Variants in MNAT1 observed in about 807,000 individuals in gnomAD.
MNAT1 encodes MNAT1 component of CDK activating kinase, also known as CDK-activating kinase assembly factor MAT1.
Under a neutral mutation model 42.0 loss-of-function variants are expected in MNAT1, and 43 were observed. The observed-to-expected ratio is 1.02, with a 90% confidence interval of 0.80 to 1.32. The LOEUF is 1.32. Ranked by LOEUF, MNAT1 falls within the 40% of genes most tolerant of loss-of-function variation. MNAT1 has a pLI of 0.00. For synonymous variants in MNAT1, 118 were observed against 120.0 expected, an observed-to-expected ratio of 0.98 and a Z score of 0.11; for missense variants, 306 against 350.4, an observed-to-expected ratio of 0.87 and a Z score of 1.01.
intron 1 of MNAT1, among the ~76,000 whole-genome samples, chr14:60,768,228 CT>C (rs759760402): frequency 7.2e-5 from 11 of 152,150 alleles, no homozygotes; most frequent in Non-Finnish European, 1.5e-4. Flanking sequence ...TTATGGCTAA[CT>C]TCATTCCTGC....
At chr14:60,756,568 G>A (rs2030359012) in intron 1 of MNAT1, among the ~76,000 whole-genome samples, 1 of 152,148 alleles carries the variant, frequency 6.6e-6, no homozygotes. Flanking sequence ...CTGGAGGATG[G>A]AAAAATCTTG....
At chr14:60,834,223 T>G (rs1026538911) in intron 6 of MNAT1, among the ~76,000 whole-genome samples, 1 of 152,108 alleles carries the variant, frequency 6.6e-6, no homozygotes, top group Non-Finnish European at 1.5e-5. Context: ...GCTTTTGAAT[T>G]TCTTTGGTCT....
intron 1 of MNAT1, among the ~76,000 whole-genome samples, chr14:60,753,011 C>A (rs1052069831): frequency 6.6e-6 from 1 of 152,230 alleles, no homozygotes; most frequent in African/African-American, 2.4e-5. Flanking sequence ...GTGACCCACC[C>A]ACCTTGGCCT....
At chr14:60,827,457 T>C (rs1223842587) in intron 6 of MNAT1, among the ~76,000 whole-genome samples, 3 of 152,152 alleles carry the variant, frequency 2.0e-5, no homozygotes, top group Admixed American at 2.0e-4. Flanking sequence ...CTAACCTTGA[T>C]AAAATATGTG....
At chr14:60,890,219 A>T (rs993963560) in intron 7 of MNAT1, among the ~76,000 whole-genome samples, 3 of 152,238 alleles carry the variant, frequency 2.0e-5, no homozygotes, top group Non-Finnish European at 2.9e-5. Context: ...CAACAATGAT[A>T]GAGCGGATTA....
chr14:60,830,970 C>T (rs563370609), intron 6 of MNAT1, among the ~76,000 whole-genome samples: 6 of 151,976 alleles, frequency 3.9e-5, no homozygotes, highest in Non-Finnish European at 5.9e-5. Flanking sequence ...CTGTCAGTGC[C>T]GTGCCTCCTG....
intron 6 of MNAT1, among the ~76,000 whole-genome samples, chr14:60,870,849 A>T (rs747793750): frequency 2.6e-5 from 4 of 152,154 alleles, no homozygotes; most frequent in Non-Finnish European, 4.4e-5. Context: ...CAATTTTAGG[A>T]TGTTTTCATC....
At chr14:60,963,664 G>A (rs2036635152) in intron 7 of MNAT1, among the ~76,000 whole-genome samples, 1 of 152,102 alleles carries the variant, frequency 6.6e-6, no homozygotes, top group Non-Finnish European at 1.5e-5. Flanking sequence ...ACACAGATCT[G>A]TTTGGAAATG....
At chr14:60,823,183 A>G (rs1391230397) in intron 6 of MNAT1, among the ~76,000 whole-genome samples, 1 of 152,134 alleles carries the variant, frequency 6.6e-6, no homozygotes, top group African/African-American at 2.4e-5. Flanking sequence ...AAGGTCAACA[A>G]CCTTGAAGAC....
intron 6 of MNAT1, among the ~76,000 whole-genome samples, chr14:60,856,319 C>T (rs1320873857): frequency 2.0e-5 from 3 of 152,160 alleles, no homozygotes; most frequent in African/African-American, 7.2e-5. Context: ...AAGAGCAAAC[C>T]AGTCATACCA....
intron 7 of MNAT1, among the ~76,000 whole-genome samples, chr14:60,958,634 C>CTTTTTTTTTTTTTTTTTT (rs71114172): frequency 1.1e-5 from 1 of 93,902 alleles, no homozygotes; most frequent in African/African-American, 4.3e-5. Flanking sequence ...GAGACAAGGT[C>CTTTTTTTTTTTTTTTTTT]TTTTTTTTTT....
chr14:60,943,183 GT>G (rs754547707), intron 7 of MNAT1, among the ~76,000 whole-genome samples: 1 of 151,200 alleles, frequency 6.6e-6, no homozygotes, highest in Non-Finnish European at 1.5e-5. Flanking sequence ...AACAATTGTG[GT>G]TCCTCTGATG....
intron 7 of MNAT1, 22 bp from the exon 8 acceptor site, chr14:60,968,207 T>C (rs775070524): frequency 1.3e-6 from 2 of 1,567,878 alleles, no homozygotes; most frequent in African/African-American, 2.7e-5. Context: ...ATATCAATGC[T>C]ACACTTCTTG....
chr14:60,870,744 G>A (rs4151286), intron 6 of MNAT1, among the ~76,000 whole-genome samples: 82 of 152,230 alleles, frequency 5.4e-4, no homozygotes, highest in East Asian at 5.0e-3. Flanking sequence ...GCTTTATCAA[G>A]ATATAATTTA....
chr14:60,798,480 C>T (rs1366908943), intron 3 of MNAT1, among the ~76,000 whole-genome samples: 2 of 152,040 alleles, frequency 1.3e-5, no homozygotes, highest in Non-Finnish European at 2.9e-5. Flanking sequence ...GAATGGAAAA[C>T]ATATTCTGAT....
chr14:60,737,068 T>C (rs1049903730), intron 1 of MNAT1, among the ~76,000 whole-genome samples: 1 of 152,212 alleles, frequency 6.6e-6, no homozygotes, highest in African/African-American at 2.4e-5. Flanking sequence ...CTCTTTAGCA[T>C]GTTGTCTAAT....
At chr14:60,916,528 A>G (rs2035517913) in intron 7 of MNAT1, among the ~76,000 whole-genome samples, 1 of 152,168 alleles carries the variant, frequency 6.6e-6, no homozygotes, top group African/African-American at 2.4e-5. Context: ...GGTGGCATGC[A>G]TCTGTGTTCC....
At chr14:60,816,556 G>A (rs1169986696) in intron 5 of MNAT1, among the ~76,000 whole-genome samples, 1 of 151,954 alleles carries the variant, frequency 6.6e-6, no homozygotes, top group Non-Finnish European at 1.5e-5. Context: ...AGTATTACAG[G>A]CAGTTCTTAC....
At chr14:60,922,261 A>G (rs2035677196) in intron 7 of MNAT1, among the ~76,000 whole-genome samples, 1 of 152,112 alleles carries the variant, frequency 6.6e-6, no homozygotes, top group African/African-American at 2.4e-5. Context: ...GACTATGATT[A>G]ATGTTTTAAT....
Sources: allele counts gnomAD v4.1 joint callset (sites outside exome capture counted in the v4.1 genomes callset), GRCh38; gene constraint gnomAD v4.1.1; transcripts MANE v1.5; gene names NCBI Gene and HGNC (gene_info 2026-07-23, HGNC 2026-07-21).